Variants in RNF17 observed in about 807,000 individuals in gnomAD.
The protein encoded by RNF17 is ring finger protein 17.
Under a neutral mutation model 200.5 loss-of-function variants are expected in RNF17, and 31 were observed. The ratio of observed to expected loss-of-function variants is 0.15; its 90% CI spans 0.12 to 0.21. RNF17 has a LOEUF of 0.21. Ranked by LOEUF, RNF17 falls within the 10% of genes least tolerant of loss-of-function variation. RNF17 has a pLI of 1.00. For missense variants in RNF17, 1,628 were observed against 1,905.1 expected, an observed-to-expected ratio of 0.85 and a Z score of 2.71; for synonymous variants, 606 against 637.8, an observed-to-expected ratio of 0.95 and a Z score of 0.75.
intron 19 of RNF17, among the ~76,000 whole-genome samples, chr13:24,843,140 C>CA (rs1428910003): frequency 6.6e-6 from 1 of 152,182 alleles, no homozygotes; most frequent in East Asian, 1.9e-4. Flanking sequence ...TGCTCACTCC[C>CA]ATGCTGGAGG....
intron 15 of RNF17, among the ~76,000 whole-genome samples, chr13:24,812,892 C>T (rs1886896546): frequency 6.6e-6 from 1 of 151,994 alleles, no homozygotes; most frequent in Non-Finnish European, 1.5e-5. Flanking sequence ...CTGTGTTAGC[C>T]AGGATGGTCT....
chr13:24,858,724 C>G (rs1207868973), intron 25 of RNF17, among the ~76,000 whole-genome samples: 1 of 152,036 alleles, frequency 6.6e-6, no homozygotes, highest in African/African-American at 2.4e-5. Flanking sequence ...TTAGGGCTGT[C>G]AAACTGACCC....
the RNF17 span, chr13:24,750,989 C>T: frequency 6.6e-6 from 1 of 151,996 alleles, no homozygotes; most frequent in South Asian, 2.1e-4. Flanking sequence ...CAAAAGATAA[C>T]AATAAGTTAC....
intron 18 of RNF17, among the ~76,000 whole-genome samples, chr13:24,835,211 G>A (rs9581192): frequency 0.2 from 29,734 of 150,822 alleles, 3,179 homozygotes; most frequent in South Asian, 0.32. Flanking sequence ...ACCTAACCCT[G>A]CCCCCACCTG....
In RNF17 at chr13:24,868,196, C is replaced by T. The variant is rs529679378; in HGVS notation, c.4162-404C>T. 5.3e-4 allele frequency among the ~76,000 whole-genome samples: 81 copies of T among 152,242 alleles called. 1 individual carries two copies. The highest frequency in any genetic ancestry group is 6.8e-3 in the Middle Eastern group (2 of 294). ...TTTAAGAGAGCTTGCTGGGGCCGGGCGCGGTGGCTCACGCCTCTAATCCCA... is the reference window on the plus strand; with the variant it reads ...TTTAAGAGAGCTTGCTGGGGCCGGGTGCGGTGGCTCACGCCTCTAATCCCA... On this transcript the variant is annotated intron_variant, in intron 30 of 35. Coordinates refer to ENST00000255324, the MANE Select transcript of RNF17 (RefSeq NM_031277.3).
chr13:24,884,093 A>AAGTT (rs1207052791), downstream of RNF17: 5 of 1,572,146 alleles, frequency 3.2e-6, no homozygotes, highest in Non-Finnish European at 4.3e-6. Flanking sequence ...TCTGTTTAAA[A>AAGTT]AGTTGTTACA....
At chr13:24,864,721 AT>A in intron 28 of RNF17, 151 bp from the exon 29 acceptor site, 1 of 600,356 alleles carries the variant, frequency 1.7e-6, no homozygotes, top group East Asian at 2.9e-5. Flanking sequence ...GCGCGTCAAA[AT>A]ACCAGGAAGA....
chr13:24,880,994 GTCCATTT>G (rs1422727116), downstream of RNF17, among the ~76,000 whole-genome samples: 1 of 152,004 alleles, frequency 6.6e-6, no homozygotes. Flanking sequence ...CAAATAGTTT[GTCCATTT>G]TTCTATTGAG....
intron 10 of RNF17, among the ~76,000 whole-genome samples, 175 bp from the exon 11 acceptor site, chr13:24,795,962 C>T (rs1884514959): frequency 6.6e-6 from 1 of 152,118 alleles, no homozygotes; most frequent in Admixed American, 6.5e-5. Flanking sequence ...TGAAAGTGAT[C>T]CATTTGTTTT....
At chr13:24,794,112 AC>A (rs1439602844) in intron 10 of RNF17, 1 of 427,208 alleles carries the variant, frequency 2.3e-6, no homozygotes, top group African/African-American at 2.1e-5. Context: ...GTCATTGTTA[AC>A]ATAGTTAGTA....
chr13:24,775,772 TACTG>T (rs769316100), intron 3 of RNF17, among the ~76,000 whole-genome samples: 28 of 152,362 alleles, frequency 1.8e-4, no homozygotes, highest in East Asian at 3.9e-4. Flanking sequence ...GTATCTATGT[TACTG>T]ACTATTTCAC....
chr13:24,885,219 T>G, the RNF17 span: 2 of 1,177,332 alleles, frequency 1.7e-6, no homozygotes, highest in Non-Finnish European at 1.3e-6. Flanking sequence ...GTGTTTCAAC[T>G]ATTTTAACCC....
At chr13:24,768,254 T>C (rs188780293) in intron 2 of RNF17, among the ~76,000 whole-genome samples, 4 of 151,804 alleles carry the variant, frequency 2.6e-5, no homozygotes, top group African/African-American at 7.3e-5. Flanking sequence ...TATATAATAT[T>C]GTTCCTGGAA....
At chr13:24,754,756 T>G in the RNF17 span, among the ~76,000 whole-genome samples, 2 of 151,948 alleles carry the variant, frequency 1.3e-5, no homozygotes, top group African/African-American at 4.8e-5. Context: ...ATTAGCCAGG[T>G]GTAGTGGCCT....
chr13:24,787,364 A>G (rs1201630808), intron 6 of RNF17, among the ~76,000 whole-genome samples: 1 of 152,132 alleles, frequency 6.6e-6, no homozygotes, highest in Non-Finnish European at 1.5e-5. Context: ...CTTCCTTTGA[A>G]TGGGTCATGT....
At position 24,827,571 on chromosome 13, in the gene RNF17, G is replaced by A. The variant is rs1255551153; in HGVS notation, c.2245+1799G>A. 3.5e-4 allele frequency among the ~76,000 whole-genome samples: 53 copies of A among 150,874 alleles called. No individual in the cohort carries two copies. The South Asian group carries it at 0.01, about 29-fold the overall frequency. ...CAAAAAATTAGCCGGGCGTAGTGGC[G>A]GGCGCCTGTAGTCCCAGCTACTTGG... On this transcript the variant is annotated intron_variant, in intron 16 of 35. Coordinates refer to ENST00000255324, the MANE Select transcript of RNF17 (RefSeq NM_031277.3).
At chr13:24,810,462 AC>A (rs1886453415) in intron 15 of RNF17, among the ~76,000 whole-genome samples, 1 of 126,870 alleles carries the variant, frequency 7.9e-6, no homozygotes, top group African/African-American at 3.2e-5. Flanking sequence ...TAGGATTGCA[AC>A]CCCTGCCTTT....
chr13:24,835,109 A>G (rs993825009), intron 18 of RNF17, among the ~76,000 whole-genome samples: 1 of 151,994 alleles, frequency 6.6e-6, no homozygotes, highest in Admixed American at 6.5e-5. Flanking sequence ...TAATTCTCCT[A>G]GGCACACAAC....
At chr13:24,766,601 C>T (rs1879733350) in intron 1 of RNF17, among the ~76,000 whole-genome samples, 1 of 152,162 alleles carries the variant, frequency 6.6e-6, no homozygotes, top group Non-Finnish European at 1.5e-5. Context: ...CTGACCTCTT[C>T]ACAGGATGGG....
Sources: gnomAD v4.1 joint callset for allele counts (sites outside exome capture counted in the v4.1 genomes callset) on GRCh38, gnomAD v4.1.1 for gene constraint, MANE v1.5 for transcripts, NCBI Gene and HGNC (gene_info 2026-07-23, HGNC 2026-07-21) for gene names.